The following GPC6 variants were observed in gnomAD, a reference collection of about 807,000 sequenced individuals.
GPC6 encodes glypican-6.
A neutral mutation model predicts 55.2 loss-of-function variants in GPC6; 14 were observed. The ratio of observed to expected loss-of-function variants is 0.25; its 90% CI spans 0.17 to 0.40. The LOEUF (loss-of-function observed/expected upper bound fraction) is 0.40, where lower values mean the gene tolerates loss of function less well. Ranked by LOEUF, GPC6 falls within the 10% of genes least tolerant of loss-of-function variation. The pLI is 1.00. For synonymous variants in GPC6, 278 were observed against 259.6 expected (o/e 1.07, Z -0.68); for missense variants, 641 against 708.5 (o/e 0.90, Z 1.08).
rs9556288 is a variant in GPC6 at position 93,386,082 on chromosome 13, G to A, written c.160+158466G>A. Among the ~76,000 whole-genome samples, 1,891 of 142,710 alleles carry A rather than the reference G, an allele frequency of 0.013. 135 individuals are homozygous for A. The East Asian group carries it at 0.22, about 17-fold the overall frequency. The allele number at this position is 142,710 out of a possible 152,430, so 93.6% of individuals were successfully genotyped here. A position where few individuals can be genotyped will look rare whatever the true frequency, so the allele number is the denominator to read the frequency against. The stretch of plus-strand genomic sequence containing the variant: ...GGGTAATCTGGGATACAGGGGGAAT[G>A]GAATGACCACTTTGTTAAAAAAAAA... On this transcript the variant is annotated intron_variant, in intron 1 of 8. Coordinates refer to ENST00000377047, the MANE Select transcript of GPC6 (RefSeq NM_005708.5).
chr13:93,438,888 ATTG>A lies in GPC6; in HGVS notation c.161-106370_161-106368del, dbSNP rs1174986333. Reference sequence around the variant, plus strand: ...AGATTCAATTGATAGGACACATTTTATTGTTGTCCTATTTTAAGAAGTTGCCAC... The same window carrying A: ...AGATTCAATTGATAGGACACATTTTATTGTCCTATTTTAAGAAGTTGCCAC... On this transcript the variant is annotated intron_variant, in intron 1 of 8. Coordinates refer to ENST00000377047, the MANE Select transcript of GPC6 (RefSeq NM_005708.5). Among the ~76,000 whole-genome samples, 3 of 152,162 alleles carry A rather than the reference ATTG, an allele frequency of 2.0e-5. No homozygotes were observed. The East Asian group carries it at 5.8e-4, about 30-fold the overall frequency.
chr13:93,473,736 G>T (rs1879208444), intron 1 of GPC6, among the ~76,000 whole-genome samples: 2 of 152,146 alleles, frequency 1.3e-5, no homozygotes, highest in South Asian at 4.1e-4. Context: ...CCCCATCATG[G>T]TGTCTCCATG....
At chr13:94,283,729 C>G (rs370346856) in intron 4 of GPC6, among the ~76,000 whole-genome samples, 1 of 152,214 alleles carries the variant, frequency 6.6e-6, no homozygotes, top group African/African-American at 2.4e-5. Flanking sequence ...ACGAGCAACA[C>G]AGGAGAGGTA....
chr13:93,684,058 C>T (rs1881952047), intron 2 of GPC6, among the ~76,000 whole-genome samples: 1 of 152,148 alleles, frequency 6.6e-6, no homozygotes, highest in South Asian at 2.1e-4. Context: ...TAATGCTATA[C>T]TCCTAACACC....
chr13:93,561,713 GATAGTC>G (rs1875822996), intron 2 of GPC6, among the ~76,000 whole-genome samples: 1 of 152,070 alleles, frequency 6.6e-6, no homozygotes, highest in Non-Finnish European at 1.5e-5. Flanking sequence ...CCCAGTTGGA[GATAGTC>G]ATATGTGTTT....
intron 4 of GPC6, among the ~76,000 whole-genome samples, chr13:94,080,729 A>C (rs1271814654): frequency 1.3e-5 from 2 of 152,068 alleles, no homozygotes; most frequent in Non-Finnish European, 2.9e-5. Context: ...AGGAAGAGAG[A>C]GCAACTTCTC....
chr13:94,317,695 AG>A (rs1300835352), intron 6 of GPC6, among the ~76,000 whole-genome samples: 2 of 152,332 alleles, frequency 1.3e-5, no homozygotes, highest in East Asian at 3.9e-4. Flanking sequence ...TAAAATTAAA[AG>A]CTTTTTACAG....
intron 4 of GPC6, among the ~76,000 whole-genome samples, chr13:94,071,727 GT>G (rs1163331759): frequency 6.6e-6 from 1 of 152,096 alleles, no homozygotes; most frequent in Admixed American, 6.6e-5. Context: ...TTACAGAATT[GT>G]TTTTTTCTTA....
intron 1 of GPC6, among the ~76,000 whole-genome samples, chr13:93,300,423 C>T (rs1050116754): frequency 3.4e-5 from 5 of 147,488 alleles, no homozygotes; most frequent in South Asian, 2.2e-4. Flanking sequence ...CCGAGGCGGG[C>T]GGATCACGAG....
At chr13:94,281,646 G>A (rs991197313) in intron 4 of GPC6, among the ~76,000 whole-genome samples, 1 of 152,134 alleles carries the variant, frequency 6.6e-6, no homozygotes, top group Admixed American at 6.5e-5. Flanking sequence ...ACTGAAAACA[G>A]CAGTAAGATC....
At chr13:93,779,814 C>A (rs930225548) in intron 2 of GPC6, among the ~76,000 whole-genome samples, 9 of 152,120 alleles carry the variant, frequency 5.9e-5, no homozygotes, top group African/African-American at 1.9e-4. Context: ...GGAAATGACA[C>A]CCCAGGTCAT....
At chr13:94,155,571 A>T (rs765477729) in intron 4 of GPC6, among the ~76,000 whole-genome samples, 1 of 152,150 alleles carries the variant, frequency 6.6e-6, no homozygotes. Context: ...AATTCAGTGC[A>T]GGGTGTGGAG....
intron 2 of GPC6, among the ~76,000 whole-genome samples, chr13:93,801,702 T>C (rs1483584065): frequency 6.6e-6 from 1 of 152,198 alleles, no homozygotes; most frequent in Admixed American, 6.5e-5. Flanking sequence ...TTCTAGTCCA[T>C]TTTATTGTTT....
chr13:93,411,755 C>A (rs1876501721), intron 1 of GPC6, among the ~76,000 whole-genome samples: 1 of 152,104 alleles, frequency 6.6e-6, no homozygotes, highest in East Asian at 1.9e-4. Context: ...AATCTCAGCA[C>A]TTTGGGAGGT....
At chr13:93,858,476 A>G (rs1888698086) in intron 3 of GPC6, among the ~76,000 whole-genome samples, 1 of 151,650 alleles carries the variant, frequency 6.6e-6, no homozygotes, top group South Asian at 2.1e-4. Context: ...ACTGGATGAG[A>G]TCACCAAGGA....
chr13:93,486,244 G>A (rs1425366563), intron 1 of GPC6, among the ~76,000 whole-genome samples: 1 of 152,158 alleles, frequency 6.6e-6, no homozygotes, highest in African/African-American at 2.4e-5. Flanking sequence ...GGAGAGGATG[G>A]GAGGTGAGCA....
At position 94,088,777 on chromosome 13, in the gene GPC6, G is replaced by T. The variant is rs529974746; in HGVS notation, c.877+60883G>T. ...AGACTCCAACAGAGTATAGCAGGAT[G>T]TTGGAAAATAAAATCTGGGGACAAA... On this transcript the variant is annotated intron_variant, in intron 4 of 8. Transcript: ENST00000377047. Among the ~76,000 whole-genome samples the T allele has an allele frequency of 4.6e-5, 7 of 152,204 alleles. 1 individual carries two copies. In the South Asian group the frequency reaches 1.5e-3, roughly 32 times the overall value.
chr13:93,523,858 C>T (rs1594235542), intron 1 of GPC6, among the ~76,000 whole-genome samples: 2 of 152,064 alleles, frequency 1.3e-5, no homozygotes, highest in East Asian at 1.9e-4. Flanking sequence ...CACATCTCCC[C>T]ATAGACCAGG....
At chr13:93,565,624 T>C (rs1286201119) in intron 2 of GPC6, among the ~76,000 whole-genome samples, 2 of 152,070 alleles carry the variant, frequency 1.3e-5, no homozygotes, top group African/African-American at 4.8e-5. Context: ...TATAGACTCC[T>C]TAAAAACACA....
Sources: gnomAD v4.1 joint callset for allele counts (sites outside exome capture counted in the v4.1 genomes callset) on GRCh38, gnomAD v4.1.1 for gene constraint, MANE v1.5 for transcripts, NCBI Gene and HGNC (gene_info 2026-07-23, HGNC 2026-07-21) for gene names.